Variants in UBE2D3 observed in about 807,000 individuals in gnomAD.
UBE2D3 encodes ubiquitin conjugating enzyme E2 D3, also known as ubiquitin-conjugating enzyme E2 D3.
Under a neutral mutation model 22.8 loss-of-function variants are expected in UBE2D3, and 2 were observed. The observed-to-expected ratio is 0.09, with a 90% CI of 0.04 to 0.28. The LOEUF (loss-of-function observed/expected upper bound fraction) is 0.28. UBE2D3 is among the 10% of genes least tolerant of loss of function. UBE2D3 has a pLI of 1.00. For missense variants in UBE2D3, 27 were observed against 182.5 expected (o/e 0.15, Z 4.91); for synonymous variants, 56 against 60.4 (o/e 0.93, Z 0.34).
chr4:102,798,946 T>C, intron 7 of UBE2D3: 1 of 1,612,022 alleles, frequency 6.2e-7, no homozygotes, highest in Non-Finnish European at 8.5e-7. Context: ...ATAGCGTATT[T>C]CTCTGTCCAC....
chr4:102,859,850 TG>T (rs1208756474), intron 1 of UBE2D3, among the ~76,000 whole-genome samples: 6 of 143,390 alleles, frequency 4.2e-5, no homozygotes, highest in Non-Finnish European at 7.8e-5. Context: ...GAATTTGATT[TG>T]TTTTTTTTTT....
In UBE2D3 at chr4:102,797,210, T is replaced by G; in HGVS notation, c.*205A>C. 2.2e-6 allele frequency: 1 copy of G among 461,428 alleles called. No individual in the cohort carries two copies. The highest frequency in any genetic ancestry group is 3.9e-6 in the Non-Finnish European group (1 of 257,636). The allele number at this position is 461,428 out of a possible 1,614,324, so 28.6% of individuals were successfully genotyped here. ...TGTTCTCTTGTAACTACTTTACAGT[T>G]TCTAAAAGCAGTTATTGTCCAAAGC... On this transcript the variant is annotated 3_prime_UTR_variant, in exon 8 of 8. Coordinates refer to ENST00000453744, the MANE Select transcript of UBE2D3 (RefSeq NM_181891.3).
intron 7 of UBE2D3, among the ~76,000 whole-genome samples, chr4:102,798,349 C>G (rs1220174128): frequency 3.6e-5 from 5 of 139,514 alleles, no homozygotes; most frequent in Non-Finnish European, 7.6e-5. Context: ...TATTTCAAAC[C>G]AAGAACCAAA....
chr4:102,826,958 C>G (rs1730616837), intron 1 of UBE2D3: 1 of 1,001,194 alleles, frequency 1.0e-6, no homozygotes, highest in Non-Finnish European at 1.2e-6. Context: ...GGCGCTATAC[C>G]GGCGTCACTA....
At chr4:102,797,578 C>T (rs1242528364) in intron 7 of UBE2D3, 118 bp from the exon 8 acceptor site, 1 of 694,128 alleles carries the variant, frequency 1.4e-6, no homozygotes, top group Non-Finnish European at 2.2e-6. Flanking sequence ...TCTCTAATGA[C>T]TATGATTAGA....
chr4:102,808,199 G>A (rs887653443), intron 4 of UBE2D3, among the ~76,000 whole-genome samples: 5 of 152,132 alleles, frequency 3.3e-5, no homozygotes, highest in South Asian at 4.1e-4. Context: ...AAAAAAGGGA[G>A]GCAGCTGTCA....
intron 5 of UBE2D3, chr4:102,801,881 T>C: frequency 5.7e-6 from 1 of 175,322 alleles, no homozygotes; most frequent in Non-Finnish European, 1.2e-5. Context: ...CTTTTGGATG[T>C]AACCAAAATT....
intron 6 of UBE2D3, among the ~76,000 whole-genome samples, chr4:102,800,516 G>A (rs1725986293): frequency 6.6e-6 from 1 of 151,976 alleles, no homozygotes; most frequent in Non-Finnish European, 1.5e-5. Flanking sequence ...ACTCCCAGCA[G>A]TAGTAGAAAA....
intron 2 of UBE2D3, among the ~76,000 whole-genome samples, chr4:102,813,549 T>C (rs1728363995): frequency 6.6e-6 from 1 of 152,084 alleles, no homozygotes; most frequent in Non-Finnish European, 1.5e-5. Flanking sequence ...AATAGGATAA[T>C]GTAAGTAAAG....
chr4:102,800,902 C>T (rs1050838136), intron 6 of UBE2D3, among the ~76,000 whole-genome samples: 2 of 152,110 alleles, frequency 1.3e-5, no homozygotes, highest in Non-Finnish European at 1.5e-5. Flanking sequence ...TTACATATAA[C>T]GTAACAGATA....
chr4:102,863,331 G>A (rs1732990781), intron 1 of UBE2D3, among the ~76,000 whole-genome samples: 1 of 152,076 alleles, frequency 6.6e-6, no homozygotes, highest in African/African-American at 2.4e-5. Context: ...GATTACAGGC[G>A]TGAGCCACCG....
At chr4:102,863,595 G>C (rs955064082) in intron 1 of UBE2D3, among the ~76,000 whole-genome samples, 1 of 152,126 alleles carries the variant, frequency 6.6e-6, no homozygotes, top group Non-Finnish European at 1.5e-5. Flanking sequence ...CCGGGTTCAA[G>C]TGATTCTCAT....
intron 1 of UBE2D3, among the ~76,000 whole-genome samples, chr4:102,859,722 T>A (rs1325845625): frequency 3.9e-5 from 6 of 151,934 alleles, no homozygotes; most frequent in Non-Finnish European, 7.4e-5. Context: ...TTCCTTTGAC[T>A]GGATAATATC....
At chr4:102,825,085 A>C (rs1022556705) in intron 2 of UBE2D3, among the ~76,000 whole-genome samples, 6 of 152,232 alleles carry the variant, frequency 3.9e-5, no homozygotes, top group Admixed American at 2.0e-4. Flanking sequence ...TTCCTCTTTC[A>C]TGAAACACCA....
intron 2 of UBE2D3, among the ~76,000 whole-genome samples, chr4:102,814,769 A>T (rs952239140): frequency 6.6e-6 from 1 of 152,114 alleles, no homozygotes; most frequent in African/African-American, 2.4e-5. Context: ...CTCTTAATTC[A>T]TCTGTTACTG....
intron 1 of UBE2D3, among the ~76,000 whole-genome samples, chr4:102,848,845 G>A (rs868289234): frequency 2.4e-4 from 37 of 151,530 alleles, no homozygotes; most frequent in South Asian, 6.3e-4. Context: ...AATATTGTAA[G>A]CCATGGATTA....
chr4:102,852,790 T>C (rs1002549703), intron 1 of UBE2D3, among the ~76,000 whole-genome samples: 6 of 152,198 alleles, frequency 3.9e-5, no homozygotes, highest in African/African-American at 7.2e-5. Context: ...GCTTAAAAAA[T>C]TTTAATACAG....
intron 4 of UBE2D3, chr4:102,809,050 T>C (rs1247625641): frequency 5.8e-6 from 1 of 171,418 alleles, no homozygotes; most frequent in Non-Finnish European, 1.3e-5. Flanking sequence ...TAAATATTTG[T>C]GTAAGATACA....
chr4:102,847,495 C>G (rs200143853), intron 1 of UBE2D3, among the ~76,000 whole-genome samples: 1 of 118,616 alleles, frequency 8.4e-6, no homozygotes, highest in Non-Finnish European at 1.9e-5. Flanking sequence ...CCATGTTAGT[C>G]AGGCTGGTCT....
Sources: allele counts gnomAD v4.1 joint callset (sites outside exome capture counted in the v4.1 genomes callset), GRCh38; gene constraint gnomAD v4.1.1; transcripts MANE v1.5; gene names NCBI Gene and HGNC (gene_info 2026-07-23, HGNC 2026-07-21).